The following NUBPL variants were observed in gnomAD, a reference collection of about 807,000 sequenced individuals.
NUBPL encodes iron-sulfur cluster transfer protein NUBPL.
A neutral mutation model predicts 45.7 loss-of-function variants in NUBPL; 31 were observed. That is an observed-to-expected ratio of 0.68 (90% CI 0.51 to 0.92). The LOEUF is 0.92. Among genes scored for constraint, NUBPL ranks in the 40% least tolerant of loss-of-function variants. NUBPL has a pLI of 0.00. For missense variants in NUBPL, 401 were observed against 398.7 expected, an observed-to-expected ratio of 1.01 and a Z score of -0.05; for synonymous variants, 144 against 140.9, an observed-to-expected ratio of 1.02 and a Z score of -0.15.
At chr14:31,810,949 A>G (rs1335804542) in intron 7 of NUBPL, among the ~76,000 whole-genome samples, 1 of 151,890 alleles carries the variant, frequency 6.6e-6, no homozygotes, top group Non-Finnish European at 1.5e-5. Flanking sequence ...ATTGGCCCCC[A>G]CTCTCTTCTG....
intron 6 of NUBPL, chr14:31,714,795 T>C (rs1205889188): frequency 1.3e-5 from 2 of 152,204 alleles, no homozygotes; most frequent in Non-Finnish European, 2.9e-5. Flanking sequence ...TTTCAGACTT[T>C]TTAAAAAAGT....
chr14:31,660,939 A>G (rs969561801), intron 4 of NUBPL, among the ~76,000 whole-genome samples: 4 of 152,222 alleles, frequency 2.6e-5, no homozygotes. Flanking sequence ...AAAGATGTCA[A>G]CTTTAATAGG....
chr14:31,590,885 T>A (rs955402518), intron 3 of NUBPL, among the ~76,000 whole-genome samples: 8 of 152,176 alleles, frequency 5.3e-5, no homozygotes, highest in South Asian at 2.1e-4. Context: ...TTTATTTTTT[T>A]AAAAATTATA....
rs2040677235 is a variant in NUBPL, at chr14:31,859,419, AT to A, written c.*243del. On this transcript the variant is annotated 3_prime_UTR_variant, in exon 11 of 11. Coordinates refer to ENST00000281081, the MANE Select transcript of NUBPL (RefSeq NM_025152.3). ...GTGTGTACCACCTGCAAAGAACTGC[AT>A]TTTATTTTATTGAATTACCCCTTTA... 4.6e-5 allele frequency: 24 copies of A among 520,196 alleles called. No individual in the cohort carries two copies. In the South Asian group the frequency reaches 4.8e-4, roughly 10 times the overall value. 32.2% of individuals were successfully genotyped at this position (520,196 alleles called of 1,614,324 possible).
chr14:31,787,342 G>A (rs993940687), intron 6 of NUBPL, among the ~76,000 whole-genome samples: 1 of 151,738 alleles, frequency 6.6e-6, no homozygotes, highest in African/African-American at 2.4e-5. Flanking sequence ...ATTAAGTTTT[G>A]GGTTTCATTA....
intron 4 of NUBPL, among the ~76,000 whole-genome samples, chr14:31,632,775 C>T (rs1014753148): frequency 7.2e-5 from 11 of 151,912 alleles, no homozygotes; most frequent in African/African-American, 2.4e-4. Context: ...TCAAGTTTGC[C>T]CATTGTAGTA....
chr14:31,693,887 G>A (rs1229651213), intron 6 of NUBPL, among the ~76,000 whole-genome samples: 8 of 125,924 alleles, frequency 6.4e-5, no homozygotes, highest in African/African-American at 1.4e-4. Context: ...ACGGAGTCTC[G>A]CTCTGTTGCC....
intron 6 of NUBPL, among the ~76,000 whole-genome samples, chr14:31,751,935 T>G (rs189278124): frequency 7.9e-4 from 121 of 152,338 alleles, no homozygotes; most frequent in Non-Finnish European, 1.5e-3. Flanking sequence ...CCACCAAGGC[T>G]TGGGGCTTGC....
At chr14:31,702,722 A>G (rs574177755) in intron 6 of NUBPL, among the ~76,000 whole-genome samples, 3 of 152,304 alleles carry the variant, frequency 2.0e-5, no homozygotes, top group African/African-American at 7.2e-5. Flanking sequence ...TGGTTTTTTA[A>G]AAAATACTTT....
intron 7 of NUBPL, among the ~76,000 whole-genome samples, chr14:31,825,803 T>TCTCCTCCTC (rs146422681): frequency 1.3e-5 from 2 of 148,284 alleles, no homozygotes; most frequent in African/African-American, 5.1e-5. Flanking sequence ...CATTTCTTCT[T>TCTCCTCCTC]CTCCTCCTCC....
intron 8 of NUBPL, among the ~76,000 whole-genome samples, chr14:31,842,343 T>C (rs2040390064): frequency 6.6e-6 from 1 of 152,138 alleles, no homozygotes. Flanking sequence ...ATTAATTTAT[T>C]CAAGATGTCT....
At chr14:31,847,934 G>C (rs898155928) in intron 9 of NUBPL, among the ~76,000 whole-genome samples, 1 of 152,012 alleles carries the variant, frequency 6.6e-6, no homozygotes, top group African/African-American at 2.4e-5. Context: ...ATTGACATTC[G>C]CTTATATAAT....
At chr14:31,636,716 G>C (rs1595405738) in intron 4 of NUBPL, among the ~76,000 whole-genome samples, 1 of 152,270 alleles carries the variant, frequency 6.6e-6, no homozygotes, top group East Asian at 1.9e-4. Context: ...AATCCATCTG[G>C]TCCTGGAGTC....
At chr14:31,572,913 GTATT>G (rs2033627224) in intron 3 of NUBPL, among the ~76,000 whole-genome samples, 1 of 152,118 alleles carries the variant, frequency 6.6e-6, no homozygotes, top group Non-Finnish European at 1.5e-5. Context: ...ACAATGGTAA[GTATT>G]TATGTATCTA....
chr14:31,626,374 A>G (rs1002992096), intron 4 of NUBPL, among the ~76,000 whole-genome samples: 12 of 152,086 alleles, frequency 7.9e-5, no homozygotes, highest in Non-Finnish European at 1.6e-4. Context: ...TCCTGACCTC[A>G]GGTGATCCGC....
chr14:31,621,066 G>A lies in NUBPL; in HGVS notation c.382+21687G>A, dbSNP rs145519665. 2.3e-3 allele frequency among the ~76,000 whole-genome samples: 348 copies of A among 152,294 alleles called. 1 individual carries two copies. The highest frequency in any genetic ancestry group is 7.5e-3 in the African/African-American group (313 of 41,558). On this transcript the variant is annotated intron_variant, in intron 4 of 10. Coordinates refer to ENST00000281081, the MANE Select transcript of NUBPL (RefSeq NM_025152.3). ...CTCCACCCACTTCAAACTTCCTGGC[G>A]GCTTTGTTTACACTGTGAGGGTAAA...
At chr14:31,821,386 T>C (rs2040016027) in intron 7 of NUBPL, among the ~76,000 whole-genome samples, 1 of 152,134 alleles carries the variant, frequency 6.6e-6, no homozygotes, top group Non-Finnish European at 1.5e-5. Flanking sequence ...AAGATCTGAA[T>C]AGACATTTGT....
intron 6 of NUBPL, among the ~76,000 whole-genome samples, chr14:31,683,403 T>G (rs2153558): frequency 1 from 142,290 of 142,590 alleles, 70,996 homozygotes; most frequent in Middle Eastern, 1. Context: ...TCTGTCACTA[T>G]GCTGTAGCTC....
At position 31,580,721 on chromosome 14, in the gene NUBPL, T is replaced by A. The variant is rs375649085; in HGVS notation, c.291+15673T>A. 4.2e-4 allele frequency among the ~76,000 whole-genome samples: 64 copies of A among 152,298 alleles called. 2 individuals carry two copies. In the South Asian group the frequency reaches 0.012, roughly 29 times the overall value. ...ACATTTGAGCAGACATCTGAATGAA[T>A]TGAGTAATTGGGCCACAGGAAGAGC... On this transcript the variant is annotated intron_variant, in intron 3 of 10. Transcript: ENST00000281081.
Sources: gnomAD v4.1 joint callset for allele counts (sites outside exome capture counted in the v4.1 genomes callset) on GRCh38, gnomAD v4.1.1 for gene constraint, MANE v1.5 for transcripts, NCBI Gene and HGNC (gene_info 2026-07-23, HGNC 2026-07-21) for gene names.